Variants in CLDN14 observed in about 807,000 individuals in gnomAD.
CLDN14 encodes the protein claudin-14.
Under a neutral mutation model 2.1 loss-of-function variants are expected in CLDN14, and 2 were observed. That is an observed-to-expected ratio of 0.96 (90% confidence interval 0.39 to 3.01). The LOEUF (loss-of-function observed/expected upper bound fraction) is 3.01. Ranked by LOEUF, CLDN14 falls within the 30% of genes most tolerant of loss-of-function variation. The probability of loss-of-function intolerance (pLI) is 0.09; values close to 1 mark genes in which losing one functional copy is unlikely to be tolerated. For missense variants in CLDN14, 298 were observed against 328.0 expected, an observed-to-expected ratio of 0.91 and a Z score of 0.71; for synonymous variants, 136 against 154.4, an observed-to-expected ratio of 0.88 and a Z score of 0.88.
At chr21:36,504,495 T>G (rs1313087635) in intron 2 of CLDN14, among the ~76,000 whole-genome samples, 1 of 152,210 alleles carries the variant, frequency 6.6e-6, no homozygotes, top group Non-Finnish European at 1.5e-5. Context: ...GATTTAAAAT[T>G]GAAATAATTC....
In CLDN14 at chr21:36,497,397, GGGAGGGAGGGAGGGAGGA is replaced by G. The variant is rs1568859558; in HGVS notation, c.-82+12948_-82+12965del. On this transcript the variant is annotated intron_variant, in intron 2 of 2. Transcript: ENST00000342108. ...AGGGAGGGAGGGAGGGAGGAAGGAA[GGGAGGGAGGGAGGGAGGA>G]AGGGAGGGAGGCAGGCGGCAGGCAC... Among the ~76,000 whole-genome samples the G allele has an allele frequency of 4.4e-4, 35 of 79,812 alleles. 11 individuals are homozygous for G. Among genetic ancestry groups the G allele is most frequent in the East Asian group, 1.3e-3 (4 of 2,980 alleles). The allele number at this position is 79,812 out of a possible 152,430, so 52.4% of individuals were successfully genotyped here.
rs1327687004 is a variant in CLDN14 at position 36,551,320 on chromosome 21, GT to G, written c.-220+25090del. 9.2e-5 allele frequency among the ~76,000 whole-genome samples: 14 copies of G among 152,338 alleles called. 1 individual carries two copies. The East Asian group carries it at 2.5e-3, about 27-fold the overall frequency. ...AGTGAGATCTCCGAGCAGATGCACT[GT>G]TCCCTGCGGACAGGATTTATTCCTG... On this transcript the variant is annotated intron_variant, in intron 1 of 2. Coordinates refer to the CLDN14 transcript ENST00000342108. The surrounding 1 kb of genome is among the most constrained non-coding windows in gnomAD (Gnocchi z 4.8).
intron 1 of CLDN14, among the ~76,000 whole-genome samples, chr21:36,514,882 A>G (rs1020523730): frequency 6.6e-6 from 1 of 152,076 alleles, no homozygotes; most frequent in Non-Finnish European, 1.5e-5. Context: ...GCTTACTCTT[A>G]CAGTGCAAAA....
intron 2 of CLDN14, among the ~76,000 whole-genome samples, chr21:36,494,862 G>A (rs929374415): frequency 2.6e-5 from 4 of 152,176 alleles, no homozygotes; most frequent in Non-Finnish European, 5.9e-5. Flanking sequence ...AACATTCTTG[G>A]CAGATGAATA....
intron 1 of CLDN14, among the ~76,000 whole-genome samples, chr21:36,546,580 A>C (rs769100346): frequency 1.2e-4 from 19 of 152,258 alleles, no homozygotes; most frequent in Non-Finnish European, 2.4e-4. Flanking sequence ...CCCTCTGTTG[A>C]ACTTTCCTCA....
intron 1 of CLDN14, among the ~76,000 whole-genome samples, chr21:36,558,529 G>A (rs2087613596): frequency 6.6e-6 from 1 of 152,080 alleles, no homozygotes; most frequent in Non-Finnish European, 1.5e-5. Flanking sequence ...TCCTTTGTGT[G>A]TGTGTGAAAG....
chr21:36,551,350 C>T lies in CLDN14; in HGVS notation c.-220+25061G>A, dbSNP rs778895880. Among the ~76,000 whole-genome samples, 6 of 152,186 alleles carry T rather than the reference C, an allele frequency of 3.9e-5. No individual in the cohort carries two copies. Among genetic ancestry groups the T allele is most frequent in the Non-Finnish European group, 7.3e-5 (5 of 68,042 alleles). On this transcript the variant is annotated intron_variant, in intron 1 of 2. Coordinates refer to the CLDN14 transcript ENST00000342108. The surrounding 1 kb of genome is among the most constrained non-coding windows in gnomAD (Gnocchi z 4.8). The stretch of plus-strand genomic sequence containing the variant: ...CTGCGGACAGGATTTATTCCTGGAG[C>T]CTCTGCCTCCCGTAAGCTGGCGGGC...
intron 1 of CLDN14, among the ~76,000 whole-genome samples, chr21:36,529,286 C>A (rs9981423): frequency 0.21 from 32,296 of 151,808 alleles, 3,610 homozygotes; most frequent in Non-Finnish European, 0.24. Context: ...GTAAAAAAAA[C>A]CACATCTTTT....
intron 1 of CLDN14, among the ~76,000 whole-genome samples, chr21:36,523,116 C>A (rs2087284832): frequency 6.6e-6 from 1 of 152,166 alleles, no homozygotes; most frequent in South Asian, 2.1e-4. Context: ...TGTCAGGGAG[C>A]AAGCTTGATT....
rs1387393190 is a variant in CLDN14 at position 36,499,147 on chromosome 21, C to T, written c.-82+11216G>A. On this transcript the variant is annotated intron_variant, in intron 2 of 2. Coordinates refer to the CLDN14 transcript ENST00000342108. This position sits in a 1 kb window ranked among gnomAD's most constrained non-coding sequence, Gnocchi z 4.7. ...TTGACCACAGGACTCAAGAAATAAG[C>T]CCAGAGCACACATCGGTTTTGTGGG... 6.6e-6 allele frequency among the ~76,000 whole-genome samples: 1 copy of T among 152,138 alleles called. No individual in the cohort carries two copies. Among genetic ancestry groups the T allele is most frequent in the Non-Finnish European group, 1.5e-5 (1 of 68,012 alleles).
intron 2 of CLDN14, among the ~76,000 whole-genome samples, chr21:36,489,820 C>T (rs374503255): frequency 1.3e-5 from 2 of 152,302 alleles, no homozygotes; most frequent in Non-Finnish European, 2.9e-5. Context: ...TAAGAAGATC[C>T]GGGCCTCACC....
At chr21:36,473,550 T>G (rs910104604) in intron 1 of CLDN14, among the ~76,000 whole-genome samples, 2 of 152,270 alleles carry the variant, frequency 1.3e-5, no homozygotes, top group Non-Finnish European at 2.9e-5. Context: ...AATTTTCTTT[T>G]GGACTTGTTC....
chr21:36,526,576 T>A (rs2087332057), intron 1 of CLDN14: 1 of 152,186 alleles, frequency 6.6e-6, no homozygotes, highest in South Asian at 2.1e-4. Context: ...GAAAGTCCAG[T>A]AGAACCTGCT....
At chr21:36,509,013 G>A (rs2087159208) in intron 2 of CLDN14, among the ~76,000 whole-genome samples, 2 of 152,290 alleles carry the variant, frequency 1.3e-5, no homozygotes, top group South Asian at 4.1e-4. Flanking sequence ...TCTTCCTGCT[G>A]GGCCTTTCCT....
chr21:36,561,227 A>T (rs2087632708), intron 1 of CLDN14, among the ~76,000 whole-genome samples: 1 of 152,176 alleles, frequency 6.6e-6, no homozygotes, highest in Non-Finnish European at 1.5e-5. Context: ...TGGAGGAAAG[A>T]GGAGAGTTTC....
intron 2 of CLDN14, among the ~76,000 whole-genome samples, chr21:36,502,887 A>G (rs2087102410): frequency 6.6e-6 from 1 of 152,228 alleles, no homozygotes. Flanking sequence ...CAGGCTACAC[A>G]TTAGAACACT....
intron 2 of CLDN14, among the ~76,000 whole-genome samples, chr21:36,489,720 G>T (rs2086942192): frequency 6.6e-6 from 1 of 152,170 alleles, no homozygotes; most frequent in Non-Finnish European, 1.5e-5. Flanking sequence ...TCCTAAGCAC[G>T]TCTGCATAGA....
At chr21:36,545,652 TG>T (rs2087521335) in intron 1 of CLDN14, among the ~76,000 whole-genome samples, 1 of 152,206 alleles carries the variant, frequency 6.6e-6, no homozygotes, top group Non-Finnish European at 1.5e-5. Context: ...TTTTGAAATA[TG>T]TTAGTATCTG....
At chr21:36,558,643 A>G (rs2087614187) in intron 1 of CLDN14, among the ~76,000 whole-genome samples, 1 of 152,046 alleles carries the variant, frequency 6.6e-6, no homozygotes, top group Non-Finnish European at 1.5e-5. Context: ...AAAGGAAATT[A>G]TTTTTAAATT....
Sources: allele counts gnomAD v4.1 joint callset (sites outside exome capture counted in the v4.1 genomes callset), GRCh38; gene constraint gnomAD v4.1.1; non-coding constraint Gnocchi (gnomAD v3.1); transcripts MANE v1.5; gene names NCBI Gene and HGNC (gene_info 2026-07-23, HGNC 2026-07-21).